WDR7: variants seen among roughly 807,000 people sequenced by gnomAD.
WDR7 encodes the protein WD repeat-containing protein 7.
Under a neutral mutation model 169.4 loss-of-function variants are expected in WDR7, and 46 were observed. The observed-to-expected ratio is 0.27, with a 90% CI of 0.21 to 0.35. The LOEUF (loss-of-function observed/expected upper bound fraction) is 0.35, where lower values mean the gene tolerates loss of function less well. Ranked by LOEUF, WDR7 falls within the 10% of genes least tolerant of loss-of-function variation. The pLI is 1.00. For missense variants in WDR7, 1,534 were observed against 1,859.3 expected (o/e 0.83, Z 3.22); for synonymous variants, 612 against 666.8 (o/e 0.92, Z 1.27).
rs150935542 is a variant in WDR7 at position 56,684,432 on chromosome 18, G to A, written c.521-1524G>A. On this transcript the variant is annotated intron_variant, in intron 5 of 27. Coordinates refer to ENST00000254442, the MANE Select transcript of WDR7 (RefSeq NM_015285.3). The stretch of plus-strand genomic sequence containing the variant: ...CTGCTGTTTTAGCACAAAAACAGCC[G>A]CAGACAATACATTAGTGATTGAGCC... Among the ~76,000 whole-genome samples the A allele has an allele frequency of 9.0e-3, 1,365 of 152,226 alleles. 14 individuals are homozygous for A. The highest frequency in any genetic ancestry group is 0.013 in the South Asian group (61 of 4,828).
intron 26 of WDR7, among the ~76,000 whole-genome samples, chr18:56,967,269 G>A (rs2145789099): frequency 6.6e-6 from 1 of 151,848 alleles, no homozygotes; most frequent in South Asian, 2.1e-4. Flanking sequence ...GGTGGTAGCT[G>A]AGTCTCCACT....
At chr18:56,763,575 C>T (rs2044015132) in intron 16 of WDR7, among the ~76,000 whole-genome samples, 1 of 152,088 alleles carries the variant, frequency 6.6e-6, no homozygotes, top group Admixed American at 6.5e-5. Flanking sequence ...ATGCCTTTGT[C>T]CAGTTTTGCT....
intron 20 of WDR7, among the ~76,000 whole-genome samples, chr18:56,830,812 T>G (rs375967420): frequency 6.6e-6 from 1 of 152,232 alleles, no homozygotes. Flanking sequence ...GTTCCAGCGA[T>G]TCTCCTGCCT....
intron 23 of WDR7, among the ~76,000 whole-genome samples, chr18:56,937,169 T>C (rs2046971842): frequency 6.6e-6 from 1 of 152,178 alleles, no homozygotes; most frequent in African/African-American, 2.4e-5. Flanking sequence ...TTTGAATTCA[T>C]TCTACTCCAG....
rs532488459 is a variant in WDR7 at position 57,022,980 on chromosome 18, T to C, written c.4269+2131T>C. Among the ~76,000 whole-genome samples the C allele has an allele frequency of 3.3e-5, 5 of 152,362 alleles. No individual in the cohort carries two copies. The South Asian group carries it at 8.3e-4, about 25-fold the overall frequency. On this transcript the variant is annotated intron_variant, in intron 27 of 27. Coordinates refer to ENST00000254442, the MANE Select transcript of WDR7 (RefSeq NM_015285.3). ...AGGGCTGCTTCCTGTTATTTGCACATGCCAAAGCCAAAGCAGCCCAGGCAA... is the reference window on the plus strand; with the variant it reads ...AGGGCTGCTTCCTGTTATTTGCACACGCCAAAGCCAAAGCAGCCCAGGCAA...
chr18:56,827,031 G>C (rs1213152996), intron 20 of WDR7, among the ~76,000 whole-genome samples: 1 of 152,168 alleles, frequency 6.6e-6, no homozygotes, highest in Non-Finnish European at 1.5e-5. Flanking sequence ...ACTGAGCTTA[G>C]TTAAGGGTAG....
intron 26 of WDR7, among the ~76,000 whole-genome samples, chr18:56,982,940 T>G (rs1441398141): frequency 6.6e-6 from 1 of 152,206 alleles, no homozygotes; most frequent in East Asian, 1.9e-4. Context: ...GGCAGTTTCC[T>G]CAGCCAATAA....
In WDR7 at chr18:56,682,764, C is replaced by T; in HGVS notation, c.431C>T (p.Thr144Ile). Residue 144 changes from threonine to isoleucine, a missense_variant, in exon 5 of 28, where the codon ACC becomes ATC. By Grantham distance (89) the Thr-to-Ile change is moderately conservative. Transcript: ENST00000254442. ...CCTGAAATCCTTGTTGTGGATGCTACCAGCCTTGAAGTATTATACTCCTTA... is the reference window on the plus strand; with the variant it reads ...CCTGAAATCCTTGTTGTGGATGCTATCAGCCTTGAAGTATTATACTCCTTA... ...HYPEILVVDA[T>I]SLEVLYSLVS... 1 of 1,613,788 alleles carries T rather than the reference C, an allele frequency of 6.2e-7. No homozygotes were observed. The highest frequency in any genetic ancestry group is 8.5e-7 in the Non-Finnish European group (1 of 1,179,764).
chr18:56,819,160 T>A (rs2045036570), intron 20 of WDR7, among the ~76,000 whole-genome samples: 1 of 152,198 alleles, frequency 6.6e-6, no homozygotes, highest in Non-Finnish European at 1.5e-5. Context: ...GACAGTTGAA[T>A]CTGAGCCTAG....
At chr18:56,842,029 C>T (rs1415461596) in intron 20 of WDR7, among the ~76,000 whole-genome samples, 1 of 152,158 alleles carries the variant, frequency 6.6e-6, no homozygotes, top group East Asian at 1.9e-4. Context: ...ATATCATACT[C>T]AATGCTTTTC....
intron 25 of WDR7, 107 bp from the exon 26 acceptor site, chr18:56,962,323 A>G (rs994993588): frequency 6.3e-6 from 4 of 635,554 alleles, no homozygotes; most frequent in African/African-American, 3.6e-5. Flanking sequence ...TTCAAAATAT[A>G]TATCAGAGCT....
In WDR7 at chr18:56,731,448, G is replaced by T. The variant is rs1225036622; in HGVS notation, c.1840G>T (p.Val614Phe). The T allele has an allele frequency of 6.2e-7, 1 of 1,614,178 alleles. No homozygotes were observed. The highest frequency in any genetic ancestry group is 8.5e-7 in the Non-Finnish European group (1 of 1,180,034). Residue 614 changes from valine to phenylalanine, a missense_variant, in exon 14 of 28, where the codon GTT (valine) becomes TTT (phenylalanine). Coordinates refer to ENST00000254442, the MANE Select transcript of WDR7 (RefSeq NM_015285.3). Reference protein sequence around the residue: ...VEILNACDEAVPAAVDSLSHP... With the variant: ...VEILNACDEAFPAAVDSLSHP... ...GATTCTAAACGCTTGTGATGAAGCT[G>T]TTCCTGCTGCTGTTGATTCACTTAG...
At chr18:56,832,057 C>A (rs1260584854) in intron 20 of WDR7, among the ~76,000 whole-genome samples, 1 of 152,104 alleles carries the variant, frequency 6.6e-6, no homozygotes, top group Non-Finnish European at 1.5e-5. Context: ...GCAGTTCCCA[C>A]CCCGACAGAG....
intron 19 of WDR7, among the ~76,000 whole-genome samples, chr18:56,812,120 G>T (rs2044879643): frequency 6.6e-6 from 1 of 152,012 alleles, no homozygotes; most frequent in South Asian, 2.1e-4. Flanking sequence ...TGTTTCATTT[G>T]TTTAGATCTC....
intron 25 of WDR7, among the ~76,000 whole-genome samples, chr18:56,941,025 G>A (rs144765849): frequency 9.8e-4 from 149 of 152,220 alleles, no homozygotes; most frequent in African/African-American, 3.2e-3. Flanking sequence ...TTTCTGATTT[G>A]GCGGAAAGGA....
intron 16 of WDR7, among the ~76,000 whole-genome samples, chr18:56,762,889 T>C (rs2043999525): frequency 7.6e-6 from 1 of 131,282 alleles, no homozygotes; most frequent in Admixed American, 8.8e-5. Context: ...TTTCTTACCT[T>C]AGTAAGAATT....
chr18:56,685,531 T>C (rs1370039625), intron 5 of WDR7, among the ~76,000 whole-genome samples: 1 of 151,982 alleles, frequency 6.6e-6, no homozygotes, highest in African/African-American at 2.4e-5. Context: ...GGGGAGGGTG[T>C]AATGTGCAAT....
chr18:56,714,821 T>C (rs1375277448), intron 12 of WDR7, among the ~76,000 whole-genome samples: 1 of 152,226 alleles, frequency 6.6e-6, no homozygotes, highest in Non-Finnish European at 1.5e-5. Context: ...TAGTTAAATA[T>C]ATGTGTCAGA....
chr18:56,674,129 A>C (rs1233128713), intron 2 of WDR7, among the ~76,000 whole-genome samples: 1 of 152,194 alleles, frequency 6.6e-6, no homozygotes, highest in Non-Finnish European at 1.5e-5. Flanking sequence ...ATTTCAGTGC[A>C]CTTAGGTATA....
Sources: allele counts gnomAD v4.1 joint callset (sites outside exome capture counted in the v4.1 genomes callset), GRCh38; gene constraint gnomAD v4.1.1; transcripts MANE v1.5; gene names NCBI Gene and HGNC (gene_info 2026-07-23, HGNC 2026-07-21).